CUL3: variants seen among roughly 807,000 people sequenced by gnomAD.
CUL3 encodes the protein cullin-3.
A neutral mutation model predicts 89.1 loss-of-function variants in CUL3; 19 were observed. The ratio of observed to expected loss-of-function variants is 0.21; its 90% CI spans 0.15 to 0.31. CUL3 has a LOEUF of 0.31. Ranked by LOEUF, CUL3 falls within the 10% of genes least tolerant of loss-of-function variation. The pLI, the probability that CUL3 is intolerant of heterozygous loss-of-function variation, is 1.00. For synonymous variants in CUL3, 351 were observed against 308.4 expected (o/e 1.14, Z -1.45); for missense variants, 469 against 942.3 (o/e 0.50, Z 6.58).
At chr2:224,553,296 G>A (rs888276181) in intron 2 of CUL3, among the ~76,000 whole-genome samples, 8 of 152,208 alleles carry the variant, frequency 5.3e-5, no homozygotes, top group African/African-American at 1.2e-4. Context: ...TCAATGAACA[G>A]ACATGCTGAA....
chr2:224,487,478 A>G lies in CUL3; in HGVS notation c.1843-5400T>C, dbSNP rs185394557. On this transcript the variant is annotated intron_variant, in intron 13 of 15. Transcript: ENST00000264414. ...AAAAAAAAAAAAAGCAGGGGTTGCA[A>G]TCCTAGTCTCTGATAAAAAAAGACA... is the stretch of plus-strand genomic sequence containing the variant. 1.3e-3 allele frequency among the ~76,000 whole-genome samples: 188 copies of G among 143,304 alleles called. 1 individual carries two copies. The highest frequency in any genetic ancestry group is 4.7e-3 in the African/African-American group (179 of 38,204). 94.0% of individuals were successfully genotyped at this position (143,304 alleles called of 152,430 possible).
At chr2:224,532,027 A>C (rs1450414380) in intron 3 of CUL3, among the ~76,000 whole-genome samples, 1 of 152,234 alleles carries the variant, frequency 6.6e-6, no homozygotes, top group Non-Finnish European at 1.5e-5. Flanking sequence ...AAAAGAACTT[A>C]TAAGAATAAT....
At chr2:224,501,165 C>T (rs796730924) in intron 10 of CUL3, among the ~76,000 whole-genome samples, 41 of 152,128 alleles carry the variant, frequency 2.7e-4, no homozygotes, top group Middle Eastern at 3.4e-3. Flanking sequence ...TAATATCCTT[C>T]GTCTCAGTTT....
intron 1 of CUL3, among the ~76,000 whole-genome samples, chr2:224,565,746 A>G (rs1302450996): frequency 6.6e-6 from 1 of 152,210 alleles, no homozygotes; most frequent in African/African-American, 2.4e-5. Context: ...GATGTCCATT[A>G]GCTCTTGAAT....
intron 2 of CUL3, among the ~76,000 whole-genome samples, chr2:224,549,150 T>C (rs1694412826): frequency 6.6e-6 from 1 of 151,442 alleles, no homozygotes; most frequent in South Asian, 2.1e-4. Context: ...AACACCATAT[T>C]TACTAAAAAT....
At chr2:224,505,389 G>A (rs1435246116) in intron 8 of CUL3, among the ~76,000 whole-genome samples, 1 of 151,978 alleles carries the variant, frequency 6.6e-6, no homozygotes, top group Admixed American at 6.6e-5. Context: ...TGCCCACCTC[G>A]GCCTCCCAAA....
At position 224,511,341 on chromosome 2, in the gene CUL3, C is replaced by A. The variant is rs147823056; in HGVS notation, c.883+13G>T. The A allele has an allele frequency of 2.6e-6, 4 of 1,534,752 alleles. No individual in the cohort carries two copies. The highest frequency in any genetic ancestry group is 4.6e-5 in the East Asian group (2 of 43,620). On this transcript the variant is annotated intron_variant, in intron 6 of 15. Coordinates refer to ENST00000264414, the MANE Select transcript of CUL3 (RefSeq NM_003590.5). ...AGTAAGGATTTAATTATTTTTCAAT[C>A]GGTAACACTTACCTTCTGTCTTTCC...
chr2:224,567,810 A>T (rs561307387), intron 1 of CUL3, among the ~76,000 whole-genome samples: 1 of 152,144 alleles, frequency 6.6e-6, no homozygotes, highest in East Asian at 1.9e-4. Context: ...AACCTCATGG[A>T]ATCTACTTCC....
At chr2:224,540,476 T>C (rs1694062684) in intron 2 of CUL3, among the ~76,000 whole-genome samples, 1 of 151,096 alleles carries the variant, frequency 6.6e-6, no homozygotes, top group Admixed American at 6.6e-5. Context: ...GAAGAAGAAA[T>C]ATTTGGGGAC....
intron 1 of CUL3, among the ~76,000 whole-genome samples, chr2:224,567,329 C>T (rs777050485): frequency 6.6e-6 from 1 of 152,138 alleles, no homozygotes; most frequent in Admixed American, 6.5e-5. Flanking sequence ...GGGATCCTTC[C>T]GTCTCAGCCT....
At chr2:224,533,000 C>T (rs1472199098) in intron 3 of CUL3, 1 of 152,150 alleles carries the variant, frequency 6.6e-6, no homozygotes, top group African/African-American at 2.4e-5. Flanking sequence ...TCTCTTTTCT[C>T]TGAGAAATAG....
At chr2:224,540,906 TGC>T (rs1694079063) in intron 2 of CUL3, among the ~76,000 whole-genome samples, 3 of 152,174 alleles carry the variant, frequency 2.0e-5, no homozygotes. Context: ...AGAAGAGCCC[TGC>T]TTTTTTAATG....
intron 2 of CUL3, among the ~76,000 whole-genome samples, chr2:224,540,011 T>C (rs971587721): frequency 6.6e-6 from 1 of 151,378 alleles, no homozygotes; most frequent in Non-Finnish European, 1.5e-5. Flanking sequence ...TGTGCATATG[T>C]TGGGGCAGGG....
chr2:224,496,581 A>G (rs779410716), intron 12 of CUL3, among the ~76,000 whole-genome samples: 1 of 152,196 alleles, frequency 6.6e-6, no homozygotes, highest in Non-Finnish European at 1.5e-5. Context: ...ATGGGATGAT[A>G]ATAATAATAG....
chr2:224,575,357 CAGG>C, intron 1 of CUL3, among the ~76,000 whole-genome samples: 4 of 152,206 alleles, frequency 2.6e-5, no homozygotes, highest in Admixed American at 2.6e-4. Context: ...CAATTTTCTC[CAGG>C]AGTAGCTAGA....
chr2:224,494,640 C>T (rs1179752608), intron 13 of CUL3, among the ~76,000 whole-genome samples: 3 of 151,862 alleles, frequency 2.0e-5, no homozygotes, highest in Non-Finnish European at 4.4e-5. Context: ...CAAGGTAATT[C>T]GGTGGGAAAA....
In CUL3 at chr2:224,557,876, G is replaced by C; in HGVS notation, c.67-20C>G. 7.5e-5 allele frequency: 11 copies of C among 146,568 alleles called. No individual in the cohort carries two copies. The highest frequency in any genetic ancestry group is 1.1e-4 in the Non-Finnish European group (9 of 81,234). The allele number at this position is 146,568 out of a possible 1,614,324, so 9.1% of individuals were successfully genotyped here. Reference sequence around the variant, plus strand: ...GGTCATCTGTAATATCCAAGAGAGAGAAGAGACAAAAAAAAAAAAAAAAAA... The same window carrying C: ...GGTCATCTGTAATATCCAAGAGAGACAAGAGACAAAAAAAAAAAAAAAAAA... On this transcript the variant is annotated intron_variant, in intron 1 of 15. Transcript: ENST00000264414.
chr2:224,561,463 T>TGA lies in CUL3; in HGVS notation c.67-3608_67-3607insTC, dbSNP rs879847711. ...GAAGGAGTAGGCAAAATAGTTATTTTAGTCACCCTGGCAGTAAAATACCAG... is the reference window on the plus strand; with the variant it reads ...GAAGGAGTAGGCAAAATAGTTATTTTGAAGTCACCCTGGCAGTAAAATACCAG... On this transcript the variant is annotated intron_variant, in intron 1 of 15. Coordinates refer to ENST00000264414, the MANE Select transcript of CUL3 (RefSeq NM_003590.5). 0.012 allele frequency among the ~76,000 whole-genome samples: 1,805 copies of TGA among 152,314 alleles called. 79 individuals carry two copies. The East Asian group carries it at 0.12, about 10-fold the overall frequency.
At chr2:224,518,040 C>A (rs1481878796) in intron 3 of CUL3, among the ~76,000 whole-genome samples, 3 of 152,060 alleles carry the variant, frequency 2.0e-5, no homozygotes, top group African/African-American at 7.2e-5. Flanking sequence ...GCACAAAGTT[C>A]AACTGGTAAG....
Sources: allele counts gnomAD v4.1 joint callset (sites outside exome capture counted in the v4.1 genomes callset), GRCh38; gene constraint gnomAD v4.1.1; transcripts MANE v1.5; gene names NCBI Gene and HGNC (gene_info 2026-07-23, HGNC 2026-07-21).